Variants in UIMC1 observed in about 807,000 individuals in gnomAD.
UIMC1 encodes BRCA1-A complex subunit RAP80.
Under a neutral mutation model 84.9 loss-of-function variants are expected in UIMC1, and 42 were observed. The observed-to-expected ratio is 0.49, with a 90% CI of 0.39 to 0.64. UIMC1 has a LOEUF of 0.64. Ranked by LOEUF, UIMC1 falls within the 30% of genes least tolerant of loss-of-function variation. UIMC1 has a pLI of 0.00. For missense variants in UIMC1, 825 were observed against 847.6 expected (o/e 0.97, Z 0.33); for synonymous variants, 281 against 293.0 (o/e 0.96, Z 0.42).
intron 1 of UIMC1, among the ~76,000 whole-genome samples, chr5:177,014,000 A>C (rs1391043228): frequency 4.6e-5 from 7 of 151,984 alleles, no homozygotes; most frequent in Admixed American, 4.6e-4. Flanking sequence ...GATGTTCAGC[A>C]TAAACTATAT....
intron 9 of UIMC1, among the ~76,000 whole-genome samples, chr5:176,949,977 T>C (rs187655658): frequency 0.011 from 1,626 of 150,558 alleles, 10 homozygotes; most frequent in South Asian, 0.026. Flanking sequence ...TCACTAAAAC[T>C]CCGGGAGGTG....
chr5:176,957,364 G>C (rs1174946169), intron 7 of UIMC1, among the ~76,000 whole-genome samples: 1 of 152,102 alleles, frequency 6.6e-6, no homozygotes, highest in Non-Finnish European at 1.5e-5. Flanking sequence ...TCAACTACTA[G>C]ATAAAAAGGG....
chr5:177,012,954 G>A (rs1775582994), intron 1 of UIMC1, among the ~76,000 whole-genome samples: 1 of 151,726 alleles, frequency 6.6e-6, no homozygotes, highest in South Asian at 2.1e-4. Context: ...GGTAGTATGT[G>A]CCTATAGTCC....
intron 1 of UIMC1, among the ~76,000 whole-genome samples, chr5:176,994,510 T>TAAAAA (rs58699518): frequency 6.5e-5 from 9 of 138,350 alleles, no homozygotes; most frequent in Non-Finnish European, 1.1e-4. Flanking sequence ...GCAGTTTCTT[T>TAAAAA]AAAAAAAAAA....
intron 13 of UIMC1, 112 bp downstream of exon 13, chr5:176,907,002 G>T: frequency 1.9e-6 from 2 of 1,071,620 alleles, no homozygotes; most frequent in Non-Finnish European, 1.4e-6. Flanking sequence ...CTGGCTGACT[G>T]GATCACGTGT....
intron 10 of UIMC1, among the ~76,000 whole-genome samples, chr5:176,936,724 C>T (rs1219884715): frequency 1.3e-5 from 2 of 152,168 alleles, no homozygotes; most frequent in Non-Finnish European, 2.9e-5. Context: ...ACCTGTAGCA[C>T]TCTCCCCACC....
At chr5:177,000,891 C>T (rs1345578489) in intron 1 of UIMC1, among the ~76,000 whole-genome samples, 1 of 151,982 alleles carries the variant, frequency 6.6e-6, no homozygotes, top group Non-Finnish European at 1.5e-5. Flanking sequence ...AGTTGAGTTC[C>T]TTATACATTC....
chr5:176,905,874 TGA>T (rs1157802263), intron 14 of UIMC1, 135 bp downstream of exon 14: 2 of 888,212 alleles, frequency 2.3e-6, no homozygotes, highest in African/African-American at 1.7e-5. Context: ...AGAGTCATAC[TGA>T]GAGAGAGGTC....
intron 10 of UIMC1, among the ~76,000 whole-genome samples, chr5:176,936,932 T>C (rs1471657015): frequency 6.6e-6 from 1 of 152,224 alleles, no homozygotes; most frequent in Non-Finnish European, 1.5e-5. Flanking sequence ...ATTTACTGTT[T>C]TCTTGTCTGC....
intron 1 of UIMC1, among the ~76,000 whole-genome samples, chr5:176,986,559 G>C (rs569397900): frequency 7.8e-6 from 1 of 128,532 alleles, no homozygotes; most frequent in Admixed American, 7.6e-5. Context: ...AAAAAAAAAG[G>C]CTGGGCACAC....
chr5:176,982,346 T>C, intron 2 of UIMC1, 123 bp downstream of exon 2: 2 of 1,132,890 alleles, frequency 1.8e-6, no homozygotes, highest in South Asian at 3.3e-5. Context: ...CAAAGCTGAG[T>C]AAAAATTTCA....
chr5:176,960,639 G>C (rs1484343986), intron 6 of UIMC1, among the ~76,000 whole-genome samples: 1 of 62,792 alleles, frequency 1.6e-5, no homozygotes, highest in Non-Finnish European at 2.7e-5. Flanking sequence ...CTCCGTCTCC[G>C]TCTCCGTCTC....
chr5:176,922,743 T>TA (rs1339556648), intron 10 of UIMC1, among the ~76,000 whole-genome samples: 1 of 152,244 alleles, frequency 6.6e-6, no homozygotes, highest in Admixed American at 6.5e-5. Flanking sequence ...GGTCAGAAGA[T>TA]ATGAATTACT....
intron 1 of UIMC1, among the ~76,000 whole-genome samples, chr5:177,000,116 C>T (rs1774226765): frequency 6.6e-6 from 1 of 152,118 alleles, no homozygotes; most frequent in South Asian, 2.1e-4. Context: ...CGCCACCACA[C>T]CTGGCTAATT....
chr5:176,990,381 C>G (rs537620937), intron 1 of UIMC1, among the ~76,000 whole-genome samples: 3 of 152,098 alleles, frequency 2.0e-5, no homozygotes, highest in East Asian at 3.9e-4. Context: ...GCACCTTGAT[C>G]TTACATTTAC....
intron 1 of UIMC1, among the ~76,000 whole-genome samples, chr5:177,004,723 C>A (rs1485611065): frequency 1.3e-5 from 2 of 152,178 alleles, no homozygotes; most frequent in African/African-American, 4.8e-5. Context: ...TATTATTTGC[C>A]ATTTTATTTC....
intron 10 of UIMC1, among the ~76,000 whole-genome samples, chr5:176,942,238 TG>T (rs74841986): frequency 0.13 from 20,043 of 152,114 alleles, 1,670 homozygotes; most frequent in East Asian, 0.19. Context: ...ATTTTTCAGC[TG>T]CTGTCTCTAG....
At chr5:177,009,199 G>A (rs891676383), upstream of UIMC1, among the ~76,000 whole-genome samples, 1 of 151,480 alleles carries the variant, frequency 6.6e-6, no homozygotes, top group Non-Finnish European at 1.5e-5. This position sits in a 1 kb window ranked among gnomAD's most constrained non-coding sequence, Gnocchi z 4.3. Flanking sequence ...TTGTGGAGAC[G>A]GAGTCTCATT....
intron 1 of UIMC1, among the ~76,000 whole-genome samples, chr5:176,987,612 C>T (rs1772222126): frequency 6.6e-6 from 1 of 152,022 alleles, no homozygotes; most frequent in Non-Finnish European, 1.5e-5. Context: ...GACCACACCA[C>T]TGCCCTCCAG....
Sources: gnomAD v4.1 joint callset for allele counts (sites outside exome capture counted in the v4.1 genomes callset) on GRCh38, gnomAD v4.1.1 for gene constraint, Gnocchi (gnomAD v3.1) non-coding constraint, MANE v1.5 for transcripts, NCBI Gene and HGNC (gene_info 2026-07-23, HGNC 2026-07-21) for gene names.